Variants in BMP6 observed in about 807,000 individuals in gnomAD.
BMP6 encodes the protein bone morphogenetic protein 6.
In BMP6, 17 loss-of-function variants were observed where a neutral mutation model predicts 54.1. The ratio of observed to expected loss-of-function variants is 0.31; its 90% CI spans 0.22 to 0.47. The LOEUF is 0.47. Ranked by LOEUF, BMP6 falls within the 20% of genes least tolerant of loss-of-function variation. BMP6 has a pLI of 1.00. For synonymous variants in BMP6, 328 were observed against 291.2 expected, an observed-to-expected ratio of 1.13 and a Z score of -1.28; for missense variants, 720 against 690.4, an observed-to-expected ratio of 1.04 and a Z score of -0.48.
At chr6:7,825,736 A>G (rs1329440836) in intron 1 of BMP6, among the ~76,000 whole-genome samples, 9 of 120,216 alleles carry the variant, frequency 7.5e-5, no homozygotes, top group Non-Finnish European at 1.5e-4. Flanking sequence ...AAAAAAAACA[A>G]AAACCAAAAA....
chr6:7,841,811 A>T (rs1193323054), intron 1 of BMP6, among the ~76,000 whole-genome samples: 1 of 152,162 alleles, frequency 6.6e-6, no homozygotes, highest in African/African-American at 2.4e-5. Flanking sequence ...GTACTTCATG[A>T]TATTGTTGTT....
chr6:7,729,192 A>G (rs1488397427), intron 1 of BMP6, among the ~76,000 whole-genome samples: 1 of 152,174 alleles, frequency 6.6e-6, no homozygotes, highest in Non-Finnish European at 1.5e-5. Context: ...GCCAGTCAAT[A>G]AAATTTGTAG....
intron 1 of BMP6, among the ~76,000 whole-genome samples, chr6:7,840,964 A>G (rs1483036319): frequency 6.6e-6 from 1 of 152,172 alleles, no homozygotes; most frequent in Non-Finnish European, 1.5e-5. Context: ...TCCTATCTGT[A>G]GACTCGTGAA....
chr6:7,792,157 G>C (rs1169267601), intron 1 of BMP6, among the ~76,000 whole-genome samples: 3 of 152,194 alleles, frequency 2.0e-5, no homozygotes, highest in Admixed American at 2.0e-4. Flanking sequence ...TGATGCCAAA[G>C]TGTCGAGGTG....
At chr6:7,814,873 G>T (rs1282868550) in intron 1 of BMP6, among the ~76,000 whole-genome samples, 1 of 152,132 alleles carries the variant, frequency 6.6e-6, no homozygotes, top group African/African-American at 2.4e-5. Flanking sequence ...TGCATGCAGG[G>T]CTTAAAACCT....
At chr6:7,858,300 G>A (rs999978256) in intron 2 of BMP6, among the ~76,000 whole-genome samples, 1 of 151,978 alleles carries the variant, frequency 6.6e-6, no homozygotes, top group African/African-American at 2.4e-5. Context: ...TCCCAGGCTG[G>A]TCTCAAATTT....
intron 1 of BMP6, among the ~76,000 whole-genome samples, chr6:7,830,342 T>C (rs1292537365): frequency 2.0e-5 from 3 of 152,216 alleles, no homozygotes; most frequent in Middle Eastern, 3.2e-3. Context: ...TCAGCAAATA[T>C]TCATTGTGAG....
intron 4 of BMP6, among the ~76,000 whole-genome samples, chr6:7,877,048 T>C (rs1348507847): frequency 6.6e-6 from 1 of 152,172 alleles, no homozygotes; most frequent in Non-Finnish European, 1.5e-5. Context: ...TGTGGCTGAT[T>C]CATTTTTGTT....
At chr6:7,818,367 C>T (rs1758560887) in intron 1 of BMP6, among the ~76,000 whole-genome samples, 1 of 152,126 alleles carries the variant, frequency 6.6e-6, no homozygotes, top group Non-Finnish European at 1.5e-5. Context: ...CTTTAATACT[C>T]CCTGTAGAAT....
At chr6:7,770,626 G>A (rs1233221094) in intron 1 of BMP6, among the ~76,000 whole-genome samples, 2 of 152,154 alleles carry the variant, frequency 1.3e-5, no homozygotes, top group Admixed American at 6.5e-5. Flanking sequence ...ACCCACACCC[G>A]GCCCTAAAAG....
chr6:7,743,363 CT>C (rs1455864769), intron 1 of BMP6, among the ~76,000 whole-genome samples: 1 of 152,232 alleles, frequency 6.6e-6, no homozygotes, highest in East Asian at 1.9e-4. Context: ...TATCTGTGCC[CT>C]TTTTTTCCAT....
chr6:7,834,209 A>G (rs1176148145), intron 1 of BMP6, among the ~76,000 whole-genome samples: 2 of 149,322 alleles, frequency 1.3e-5, no homozygotes, highest in East Asian at 3.9e-4. Flanking sequence ...TTTTTTTAGG[A>G]AAAAAAAGTA....
At chr6:7,858,125 C>T (rs1759277471) in intron 2 of BMP6, among the ~76,000 whole-genome samples, 2 of 152,166 alleles carry the variant, frequency 1.3e-5, no homozygotes, top group Admixed American at 6.5e-5. Flanking sequence ...CTCTGTCGTC[C>T]AGGCTGGAGT....
At chr6:7,841,877 T>A (rs1331503719) in intron 1 of BMP6, among the ~76,000 whole-genome samples, 2 of 152,204 alleles carry the variant, frequency 1.3e-5, no homozygotes, top group East Asian at 3.8e-4. Context: ...CTATTTTACA[T>A]TGTAATAAAA....
Position 7,861,537 on chromosome 6 carries a change from A to T in BMP6, c.944A>T (p.Asn315Ile). ...GAATTTGACATCACGGCCACTAGCA[A>T]TCTGTGGGTTGTGACTCCACAGCAT... ...WLEFDITATS[N>I]LWVVTPQHNM... The change falls in exon 3 of 7, where the codon AAT becomes ATT. Residue 315 changes from asparagine to isoleucine, a missense_variant. Around this residue, in one of 3 missense-constraint regions of BMP6, gnomAD observed 650 missense variants for 556.3 expected, o/e 1.17. Coordinates refer to ENST00000283147, the MANE Select transcript of BMP6 (RefSeq NM_001718.6). 1 of 1,614,184 alleles carries T rather than the reference A, an allele frequency of 6.2e-7. No homozygotes were observed. The highest frequency in any genetic ancestry group is 1.1e-5 in the South Asian group (1 of 91,082).
intron 4 of BMP6, among the ~76,000 whole-genome samples, chr6:7,878,561 C>T (rs935926128): frequency 1.3e-5 from 2 of 152,236 alleles, no homozygotes; most frequent in African/African-American, 4.8e-5. Context: ...GTGTCTCCCT[C>T]TCCCCCGTTC....
chr6:7,817,699 T>C (rs1340990307), intron 1 of BMP6, among the ~76,000 whole-genome samples: 3 of 151,918 alleles, frequency 2.0e-5, no homozygotes, highest in Non-Finnish European at 2.9e-5. Flanking sequence ...ATTGTGCACA[T>C]GTACCCTAGA....
chr6:7,733,189 C>T (rs1210938752), intron 1 of BMP6, among the ~76,000 whole-genome samples: 5 of 152,104 alleles, frequency 3.3e-5, no homozygotes, highest in African/African-American at 4.8e-5. Context: ...TACAGGCTCA[C>T]GCCACTGCGT....
At chr6:7,782,149 A>T (rs928236191) in intron 1 of BMP6, among the ~76,000 whole-genome samples, 5 of 151,298 alleles carry the variant, frequency 3.3e-5, no homozygotes, top group Non-Finnish European at 7.4e-5. Context: ...TAAGATGTGA[A>T]GGAGTGCCAG....
Sources: allele counts gnomAD v4.1 joint callset (sites outside exome capture counted in the v4.1 genomes callset), GRCh38; gene constraint gnomAD v4.1.1; regional missense constraint gnomAD v4.1.1; transcripts MANE v1.5; gene names NCBI Gene and HGNC (gene_info 2026-07-23, HGNC 2026-07-21).